Variants in SERINC5 observed in about 807,000 individuals in gnomAD.
SERINC5 encodes chromosome 5 open reading frame 12.
Under a neutral mutation model 63.1 loss-of-function variants are expected in SERINC5, and 41 were observed. The observed-to-expected ratio is 0.65, with a 90% CI of 0.51 to 0.84. The LOEUF is 0.84. Among genes scored for constraint, SERINC5 ranks in the 40% least tolerant of loss-of-function variants. The pLI is 0.00. For synonymous variants in SERINC5, 222 were observed against 215.2 expected (o/e 1.03, Z -0.28); for missense variants, 523 against 573.0 (o/e 0.91, Z 0.89).
downstream of SERINC5, among the ~76,000 whole-genome samples, chr5:80,135,662 A>C (rs1421906024): frequency 6.6e-6 from 1 of 152,096 alleles, no homozygotes; most frequent in Non-Finnish European, 1.5e-5. Flanking sequence ...GGCAACATGG[A>C]AGTCACCCAT....
At chr5:80,214,284 T>C (rs930164191) in intron 1 of SERINC5, among the ~76,000 whole-genome samples, 1 of 152,154 alleles carries the variant, frequency 6.6e-6, no homozygotes, top group African/African-American at 2.4e-5. Flanking sequence ...GATATATCAG[T>C]ACATCAACAG....
At chr5:80,232,368 C>A (rs1210954952) in intron 1 of SERINC5, among the ~76,000 whole-genome samples, 1 of 150,286 alleles carries the variant, frequency 6.7e-6, no homozygotes, top group Non-Finnish European at 1.5e-5. Context: ...CACACCACTG[C>A]ACTCCAGCCT....
At chr5:80,196,351 G>A (rs999634801) in intron 2 of SERINC5, among the ~76,000 whole-genome samples, 2 of 152,170 alleles carry the variant, frequency 1.3e-5, no homozygotes, top group Non-Finnish European at 1.5e-5. Context: ...ATAAAAAAAA[G>A]ATGTACCATT....
intron 2 of SERINC5, among the ~76,000 whole-genome samples, chr5:80,191,292 T>C (rs1161016079): frequency 6.6e-6 from 1 of 151,612 alleles, no homozygotes. Flanking sequence ...ACAAATAAAA[T>C]CCAATTCAAC....
chr5:80,254,935 A>C (rs1365019112), intron 1 of SERINC5: 1 of 152,250 alleles, frequency 6.6e-6, no homozygotes, highest in African/African-American at 2.4e-5. Context: ...CGATTGTGGA[A>C]AGGCTGAGTG....
At chr5:80,228,943 T>C (rs547600342) in intron 1 of SERINC5, among the ~76,000 whole-genome samples, 1 of 148,762 alleles carries the variant, frequency 6.7e-6, no homozygotes, top group African/African-American at 2.5e-5. Flanking sequence ...ACAAAAACTA[T>C]ACTTAGGCTT....
intron 2 of SERINC5, among the ~76,000 whole-genome samples, chr5:80,181,282 C>G (rs1748399477): frequency 6.6e-6 from 1 of 152,192 alleles, no homozygotes; most frequent in African/African-American, 2.4e-5. Flanking sequence ...GGGTCTCACT[C>G]TGTACCCAGG....
chr5:80,197,621 AG>A (rs1749593262), intron 2 of SERINC5, among the ~76,000 whole-genome samples: 1 of 152,116 alleles, frequency 6.6e-6, no homozygotes, highest in African/African-American at 2.4e-5. Flanking sequence ...GGGGCTGCAC[AG>A]GTCACCCATC....
intron 2 of SERINC5, among the ~76,000 whole-genome samples, chr5:80,190,641 A>G (rs975362321): frequency 2.0e-5 from 3 of 152,218 alleles, no homozygotes; most frequent in African/African-American, 7.2e-5. Context: ...GCACAAAACT[A>G]TGCTCTACTT....
chr5:80,221,136 G>A (rs912482868), intron 1 of SERINC5, among the ~76,000 whole-genome samples: 2 of 152,254 alleles, frequency 1.3e-5, no homozygotes, highest in South Asian at 2.1e-4. Context: ...TGGGCATCAC[G>A]GGGAGTCTCA....
chr5:80,131,606 G>A (rs1041229708), intron 11 of SERINC5, among the ~76,000 whole-genome samples: 14 of 152,188 alleles, frequency 9.2e-5, no homozygotes, highest in Non-Finnish European at 2.1e-4. Flanking sequence ...AGTGGGCAAA[G>A]AGGGTAGTTG....
At chr5:80,117,140 T>C (rs1744360614) in intron 11 of SERINC5, among the ~76,000 whole-genome samples, 1 of 151,994 alleles carries the variant, frequency 6.6e-6, no homozygotes, top group Non-Finnish European at 1.5e-5. Context: ...CCAGAGCTCT[T>C]AACTACAATG....
rs146563454 is a variant in SERINC5, at chr5:80,247,335, A to G, written c.27+8561T>C. Among the ~76,000 whole-genome samples the G allele has an allele frequency of 2.4e-3, 358 of 152,292 alleles. 4 individuals carry two copies. Among genetic ancestry groups the G allele is most frequent in the African/African-American group, 8.2e-3 (340 of 41,576 alleles). On this transcript the variant is annotated intron_variant, in intron 1 of 11. Transcript: ENST00000507668. ...TCATAGTCACTCCCAGATACTCAGT[A>G]TCTGTGGGAAATCTACAGCCTCTAT...
intron 9 of SERINC5, among the ~76,000 whole-genome samples, chr5:80,147,489 C>T (rs1256046619): frequency 2.0e-5 from 3 of 152,164 alleles, no homozygotes; most frequent in Admixed American, 1.3e-4. Flanking sequence ...ACTTGGTGCT[C>T]GCTCCTGCTA....
chr5:80,135,822 CA>C (rs1248271260), downstream of SERINC5, among the ~76,000 whole-genome samples: 4 of 146,090 alleles, frequency 2.7e-5, no homozygotes, highest in Non-Finnish European at 6.0e-5. Context: ...ATAGCACAAT[CA>C]AAAATCAAAA....
intron 1 of SERINC5, among the ~76,000 whole-genome samples, chr5:80,225,727 TCA>T (rs974352521): frequency 2.6e-5 from 4 of 152,054 alleles, no homozygotes; most frequent in African/African-American, 9.7e-5. Flanking sequence ...TAATATGCAC[TCA>T]CACATGCACA....
rs377613955 is a variant in SERINC5 at position 80,150,900 on chromosome 5, G to C, written c.1035C>G (p.Tyr345Ter). ...AACTTACCTCCAATTCAGGAGCTGC[G>C]TATCGCCCCTGCAGAGCGTCAGAAC... ...RSSSDALQGR[Y>*]AAPELEIARC... The change falls in exon 9 of 12, where the codon TAC becomes TAG. Residue 345 changes from tyrosine (Y) to a stop codon, truncating the protein, a stop_gained. Coordinates refer to ENST00000507668, the MANE Select transcript of SERINC5 (RefSeq NM_001174072.3). LOFTEE classifies it high-confidence loss of function. The C allele has an allele frequency of 6.2e-7, 1 of 1,612,514 alleles. No individual in the cohort carries two copies. Among genetic ancestry groups the C allele is most frequent in the Non-Finnish European group, 8.5e-7 (1 of 1,178,534 alleles).
chr5:80,159,909 A>T (rs2112349918), intron 7 of SERINC5, among the ~76,000 whole-genome samples: 1 of 152,148 alleles, frequency 6.6e-6, no homozygotes, highest in South Asian at 2.1e-4. Context: ...CCTTATATAT[A>T]TTTTTACCTG....
At chr5:80,153,415 T>C (rs1394689253) in intron 8 of SERINC5, among the ~76,000 whole-genome samples, 1 of 151,778 alleles carries the variant, frequency 6.6e-6, no homozygotes, top group Non-Finnish European at 1.5e-5. Flanking sequence ...AAAAAAAAGA[T>C]CTTTATTCAG....
Sources: allele counts gnomAD v4.1 joint callset (sites outside exome capture counted in the v4.1 genomes callset), GRCh38; gene constraint gnomAD v4.1.1; transcripts MANE v1.5; gene names NCBI Gene and HGNC (gene_info 2026-07-23, HGNC 2026-07-21).